FEM1A: variants seen among roughly 807,000 people sequenced by gnomAD.
The protein encoded by FEM1A is protein fem-1 homolog A.
FEM1A carries 1 observed loss-of-function variant against 0.7 expected under a neutral mutation model. The observed-to-expected ratio is 1.35, with a 90% CI of 0.48 to 6.40. The LOEUF (loss-of-function observed/expected upper bound fraction) is 6.40, where lower values mean the gene tolerates loss of function less well. Among genes scored for constraint, FEM1A ranks in the 30% most tolerant of loss-of-function variants. FEM1A has a pLI of 0.14. For synonymous variants in FEM1A, 391 were observed against 420.6 expected (o/e 0.93, Z 0.86); for missense variants, 721 against 918.7 (o/e 0.78, Z 2.78).
In FEM1A at chr19:4,792,955, G is replaced by A. The variant is rs763419142; in HGVS notation, c.1101G>A (p.Pro367=). The A allele has an allele frequency of 8.1e-6, 13 of 1,612,718 alleles. No homozygotes were observed. Among genetic ancestry groups the A allele is most frequent in the East Asian group, 2.2e-5 (1 of 44,858 alleles). The change falls in exon 1 of 1, where the codon CCG becomes CCA. Residue 367 remains proline (P), a synonymous_variant. Transcript: ENST00000269856. The surrounding 1 kb of genome is among the most constrained non-coding windows in gnomAD (Gnocchi z 6.7). ...AGCTGGAGGCGCTGATCACCGACCC[G>A]GATGAGATGCGCATGCAGGCCCTGT... ...TEELEALITD[P]DEMRMQALLI... is the part of the protein sequence containing the mutation.
In FEM1A at chr19:4,793,435, G is replaced by A. The variant is rs936803260; in HGVS notation, c.1581G>A (p.Lys527=). ...ACCAGACCGTCTACCGCCTGCTCAAGTGCGCGCCCAGGGGCAAGAACGGCT... is the reference window on the plus strand; with the variant it reads ...ACCAGACCGTCTACCGCCTGCTCAAATGCGCGCCCAGGGGCAAGAACGGCT... ...LKHQTVYRLL[K]CAPRGKNGFT... is the part of the protein sequence containing the mutation. Residue 527 remains lysine (K), a synonymous_variant, in exon 1 of 1, where the codon AAG becomes AAA. Coordinates refer to ENST00000269856, the MANE Select transcript of FEM1A (RefSeq NM_018708.3). The surrounding 1 kb of genome is among the most constrained non-coding windows in gnomAD (Gnocchi z 5.1). 1 of 1,612,304 alleles carries A rather than the reference G, an allele frequency of 6.2e-7. No individual in the cohort carries two copies. Among genetic ancestry groups the A allele is most frequent in the Non-Finnish European group, 8.5e-7 (1 of 1,179,862 alleles).
chr19:4,793,424 C>T lies in FEM1A; in HGVS notation c.1570C>T (p.Arg524Cys), dbSNP rs756135652. The T allele has an allele frequency of 4.3e-6, 7 of 1,612,194 alleles. No individual in the cohort carries two copies. The highest frequency in any genetic ancestry group is 5.9e-6 in the Non-Finnish European group (7 of 1,179,844). Residue 524 changes from arginine (R) to cysteine (C), a missense_variant, in exon 1 of 1, where the codon CGC (arginine) becomes TGC (cysteine). Arg to Cys is a radical substitution (Grantham distance 180, BLOSUM62 -3). Transcript: ENST00000269856. The surrounding 1 kb of genome is among the most constrained non-coding windows in gnomAD (Gnocchi z 5.1). The stretch of plus-strand genomic sequence containing the variant: ...GCACCTGAAGCACCAGACCGTCTAC[C>T]GCCTGCTCAAGTGCGCGCCCAGGGG... ...QEHLKHQTVYRLLKCAPRGKN... is the reference protein window; with the variant it reads ...QEHLKHQTVYCLLKCAPRGKN...
rs1249476472 is a variant in FEM1A, at chr19:4,791,966, G to T, written c.112G>T (p.Val38Leu). The T allele has an allele frequency of 1.2e-5, 19 of 1,533,184 alleles. No homozygotes were observed. In the East Asian group the frequency reaches 1.5e-4, roughly 12 times the overall value. The allele number at this position is 1,533,184 out of a possible 1,614,324, so 95.0% of individuals were successfully genotyped here. The change falls in exon 1 of 1, where the codon GTG becomes TTG. Residue 38 changes from valine to leucine, a missense_variant. This residue lies in a region of FEM1A where 195 missense variants were observed against 316.9 expected (regional missense o/e 0.62). Transcript: ENST00000269856. ...REELDELTGEVAGGGTPLLIA... is the reference protein window; with the variant it reads ...REELDELTGELAGGGTPLLIA... ...GGAACTGGACGAGCTGACGGGCGAG[G>T]TGGCCGGCGGGGGAACGCCGCTACT...
At position 4,792,587 on chromosome 19, in the gene FEM1A, G is replaced by T; in HGVS notation, c.733G>T (p.Ala245Ser). 1.9e-6 allele frequency: 3 copies of T among 1,609,702 alleles called. No homozygotes were observed. Among genetic ancestry groups the T allele is most frequent in the Non-Finnish European group, 2.5e-6 (3 of 1,179,690 alleles). ...GGAGCAGCCCGGCCAGGAGCAGGTCGCAGGGGGAGAGGCTCAGCCTGGGCT... is the reference window on the plus strand; with the variant it reads ...GGAGCAGCCCGGCCAGGAGCAGGTCTCAGGGGGAGAGGCTCAGCCTGGGCT... Reference protein sequence around the residue: ...IQEQPGQEQVAGGEAQPGLPQ... With the variant: ...IQEQPGQEQVSGGEAQPGLPQ... The change falls in exon 1 of 1, where the codon GCA (alanine) becomes TCA (serine). Residue 245 changes from alanine (A) to serine (S), a missense_variant. Physicochemically the swap from Ala to Ser is moderately conservative, Grantham distance 99. This residue lies in a region of FEM1A where 137 missense variants were observed against 121.7 expected (regional missense o/e 1.13). Transcript: ENST00000269856. The surrounding 1 kb of genome is among the most constrained non-coding windows in gnomAD (Gnocchi z 6.7).
chr19:4,792,280 C>A lies in FEM1A; in HGVS notation c.426C>A (p.Asp142Glu), dbSNP rs1475334594. ...VRYLVGEHQADLEVANRHGHT... is the reference protein window; with the variant it reads ...VRYLVGEHQAELEVANRHGHT... ...ACCTGGTCGGCGAGCACCAGGCCGA[C>A]CTGGAGGTGGCCAACCGGCACGGCC... Residue 142 changes from aspartate to glutamate, a missense_variant, in exon 1 of 1, where the codon GAC (aspartate) becomes GAA (glutamate). By Grantham distance (45) the Asp-to-Glu change is conservative. This residue lies in a region of FEM1A where 195 missense variants were observed against 316.9 expected (regional missense o/e 0.62). Transcript: ENST00000269856. This position sits in a 1 kb window ranked among gnomAD's most constrained non-coding sequence, Gnocchi z 6.7. 1.3e-6 allele frequency: 2 copies of A among 1,566,718 alleles called. No homozygotes were observed. The highest frequency in any genetic ancestry group is 1.8e-5 in the Admixed American group (1 of 56,818).
At position 4,793,015 on chromosome 19, in the gene FEM1A, G is replaced by A; in HGVS notation, c.1161G>A (p.Pro387=). Residue 387 remains proline (P), a synonymous_variant, in exon 1 of 1, where the codon CCG becomes CCA. Coordinates refer to ENST00000269856, the MANE Select transcript of FEM1A (RefSeq NM_018708.3). This position sits in a 1 kb window ranked among gnomAD's most constrained non-coding sequence, Gnocchi z 5.1. ...IRERILGPSH[P]DTSYYIRYRG... is the part of the protein sequence containing the mutation. ...AGCGCATCCTCGGTCCCTCGCACCC[G>A]GACACTTCCTATTACATCCGTTACA... 6.2e-7 allele frequency: 1 copy of A among 1,613,270 alleles called. No individual in the cohort carries two copies. The highest frequency in any genetic ancestry group is 8.5e-7 in the Non-Finnish European group (1 of 1,180,018).
In FEM1A at chr19:4,799,760, G is replaced by T. The variant is rs1035269617; in HGVS notation, c.*5896G>T. The T allele has an allele frequency of 2.0e-5, 3 of 152,022 alleles. No individual in the cohort carries two copies. Among genetic ancestry groups the T allele is most frequent in the African/African-American group, 7.2e-5 (3 of 41,462 alleles). 9.4% of individuals were successfully genotyped at this position (152,022 alleles called of 1,614,324 possible). A position where few individuals can be genotyped will look rare whatever the true frequency, so the allele number is the denominator to read the frequency against. On this transcript the variant is annotated 3_prime_UTR_variant, in exon 1 of 1. Coordinates refer to ENST00000269856, the MANE Select transcript of FEM1A (RefSeq NM_018708.3). Reference sequence around the variant, plus strand: ...TCTCTACTAAAAATACAAAAAATTAGCCGGGCGTCGTGGCAGGCGCCTGTA... The same window carrying T: ...TCTCTACTAAAAATACAAAAAATTATCCGGGCGTCGTGGCAGGCGCCTGTA...
Position 4,792,592 on chromosome 19 carries a change from G to C in FEM1A, c.738G>C (p.Gly246=). The C allele has an allele frequency of 6.2e-7, 1 of 1,610,390 alleles. No homozygotes were observed. Among genetic ancestry groups the C allele is most frequent in the South Asian group, 1.1e-5 (1 of 90,982 alleles). The change falls in exon 1 of 1, where the codon GGG becomes GGC. Residue 246 remains glycine, a synonymous_variant. Transcript: ENST00000269856. The surrounding 1 kb of genome is among the most constrained non-coding windows in gnomAD (Gnocchi z 6.7). Reference sequence around the variant, plus strand: ...AGCCCGGCCAGGAGCAGGTCGCAGGGGGAGAGGCTCAGCCTGGGCTGCCCC... The same window carrying C: ...AGCCCGGCCAGGAGCAGGTCGCAGGCGGAGAGGCTCAGCCTGGGCTGCCCC... The part of the protein sequence containing the change: ...QEQPGQEQVA[G]GEAQPGLPQE...
rs763673728 is a variant in FEM1A at position 4,793,208 on chromosome 19, A to G, written c.1354A>G (p.Lys452Glu). Residue 452 changes from lysine to glutamate, a missense_variant, in exon 1 of 1, where the codon AAA becomes GAA. Physicochemically the swap from Lys to Glu is moderately conservative, Grantham distance 56 (BLOSUM62 1). Around this residue, in one of 4 missense-constraint regions of FEM1A, gnomAD observed 379 missense variants for 454.8 expected, o/e 0.83. Coordinates refer to ENST00000269856, the MANE Select transcript of FEM1A (RefSeq NM_018708.3). The surrounding 1 kb of genome is among the most constrained non-coding windows in gnomAD (Gnocchi z 5.1). Reference protein sequence around the residue: ...FSYVLQDRAAKGSLGTQIGFA... With the variant: ...FSYVLQDRAAEGSLGTQIGFA... Reference sequence around the variant, plus strand: ...CTACGTGCTTCAGGACCGGGCCGCCAAAGGCAGCCTGGGCACCCAGATCGG... The same window carrying G: ...CTACGTGCTTCAGGACCGGGCCGCCGAAGGCAGCCTGGGCACCCAGATCGG... The G allele has an allele frequency of 9.9e-6, 16 of 1,613,436 alleles. No individual in the cohort carries two copies. The South Asian group carries it at 1.8e-4, about 18-fold the overall frequency.
rs2093554674 is a variant in FEM1A at position 4,791,842 on chromosome 19, G to T, written c.-13G>T. ...CCCGGCGGCCGGCCCATGGCCTGGC[G>T]GAGGCCCGAACCATGGACCTCCGCA... On this transcript the variant is annotated 5_prime_UTR_variant, in exon 1 of 1. Coordinates refer to ENST00000269856, the MANE Select transcript of FEM1A (RefSeq NM_018708.3). 1 of 1,486,876 alleles carries T rather than the reference G, an allele frequency of 6.7e-7. No individual in the cohort carries two copies. The highest frequency in any genetic ancestry group is 1.5e-5 in the African/African-American group (1 of 68,870). The allele number at this position is 1,486,876 out of a possible 1,614,324, so 92.1% of individuals were successfully genotyped here. A position where few individuals can be genotyped will look rare whatever the true frequency, so the allele number is the denominator to read the frequency against.
rs1298680287 is a variant in FEM1A, at chr19:4,798,024, G to A, written c.*4160G>A. ...CCAAGGCGGGCGGATCACGAGGTCA[G>A]GAGATCGAGACCATCCTGGCTAACA... is the stretch of plus-strand genomic sequence containing the variant. On this transcript the variant is annotated 3_prime_UTR_variant, in exon 1 of 1. Coordinates refer to ENST00000269856, the MANE Select transcript of FEM1A (RefSeq NM_018708.3). The A allele has an allele frequency of 6.6e-6, 1 of 150,910 alleles. No homozygotes were observed. Among genetic ancestry groups the A allele is most frequent in the Non-Finnish European group, 1.5e-5 (1 of 67,802 alleles). The allele number at this position is 150,910 out of a possible 1,614,324, so 9.3% of individuals were successfully genotyped here. A position where few individuals can be genotyped will look rare whatever the true frequency, so the allele number is the denominator to read the frequency against.
Position 4,793,898 on chromosome 19 carries a change from C to A in FEM1A, c.*34C>A, listed in dbSNP as rs1447344825. On this transcript the variant is annotated 3_prime_UTR_variant, in exon 1 of 1. Transcript: ENST00000269856. The surrounding 1 kb of genome is among the most constrained non-coding windows in gnomAD (Gnocchi z 5.1). ...GAACGCCTGCACCCTCACCTCTCCC[C>A]TCTCCTGCTGAGATGGGGGAAATCC... 1.9e-6 allele frequency: 3 copies of A among 1,561,114 alleles called. No individual in the cohort carries two copies. The highest frequency in any genetic ancestry group is 2.4e-5 in the South Asian group (2 of 85,048).
In FEM1A at chr19:4,793,543, G is replaced by A; in HGVS notation, c.1689G>A (p.Val563=). The part of the protein sequence containing the change: ...YPVGRFPSLH[V]VKVLLDCGAD... The stretch of plus-strand genomic sequence containing the variant: ...TGGGCAGATTCCCCTCCCTGCACGT[G>A]GTCAAAGTGCTGCTCGACTGCGGGG... The change falls in exon 1 of 1, where the codon GTG becomes GTA. Residue 563 remains valine (V), a synonymous_variant. Transcript: ENST00000269856. This position sits in a 1 kb window ranked among gnomAD's most constrained non-coding sequence, Gnocchi z 5.1. 1.2e-6 allele frequency: 2 copies of A among 1,613,054 alleles called. No homozygotes were observed. The highest frequency in any genetic ancestry group is 1.7e-6 in the Non-Finnish European group (2 of 1,179,860).
rs775495070 is a variant in FEM1A, at chr19:4,793,149, C to T, written c.1295C>T (p.Ala432Val). The change falls in exon 1 of 1, where the codon GCC becomes GTC. Residue 432 changes from alanine to valine, a missense_variant. Transcript: ENST00000269856. The surrounding 1 kb of genome is among the most constrained non-coding windows in gnomAD (Gnocchi z 5.1). Reference protein sequence around the residue: ...SNLEPLSPMTASSFLSFAELF... With the variant: ...SNLEPLSPMTVSSFLSFAELF... ...CTGGAGCCTCTGAGCCCCATGACCGCCAGCAGCTTCCTCTCCTTCGCGGAA... is the reference window on the plus strand; with the variant it reads ...CTGGAGCCTCTGAGCCCCATGACCGTCAGCAGCTTCCTCTCCTTCGCGGAA... 6.2e-7 allele frequency: 1 copy of T among 1,613,444 alleles called. No individual in the cohort carries two copies. The highest frequency in any genetic ancestry group is 8.5e-7 in the Non-Finnish European group (1 of 1,180,038).
Position 4,797,898 on chromosome 19 carries a change from A to T in FEM1A, c.*4034A>T, listed in dbSNP as rs1468497459. The T allele has an allele frequency of 3.3e-5, 5 of 152,132 alleles. No homozygotes were observed. Among genetic ancestry groups the T allele is most frequent in the Non-Finnish European group, 5.9e-5 (4 of 68,164 alleles). 9.4% of individuals were successfully genotyped at this position (152,132 alleles called of 1,614,324 possible). ...GGCTGCAGTGAGCCTTAATGGCACC[A>T]TCACACTCCAGCCTGGGCAACAGAG... On this transcript the variant is annotated 3_prime_UTR_variant, in exon 1 of 1. Coordinates refer to ENST00000269856, the MANE Select transcript of FEM1A (RefSeq NM_018708.3).
At position 4,799,996 on chromosome 19, in the gene FEM1A, C is replaced by T. The variant is rs934041218; in HGVS notation, c.*6132C>T. The T allele has an allele frequency of 2.7e-5, 4 of 147,784 alleles. No individual in the cohort carries two copies. The highest frequency in any genetic ancestry group is 1.4e-4 in the Admixed American group (2 of 14,284). 9.2% of individuals were successfully genotyped at this position (147,784 alleles called of 1,614,324 possible). On this transcript the variant is annotated 3_prime_UTR_variant, in exon 1 of 1. Transcript: ENST00000269856. The stretch of plus-strand genomic sequence containing the variant: ...TCACAATAGTAAAATGACTACCTGC[C>T]GTTGATCAGTGAAGAAAAAAGCTCA...
In FEM1A at chr19:4,800,567, C is replaced by G. The variant is rs2093567427; in HGVS notation, c.*6703C>G. On this transcript the variant is annotated 3_prime_UTR_variant, in exon 1 of 1. Coordinates refer to ENST00000269856, the MANE Select transcript of FEM1A (RefSeq NM_018708.3). ...ACTGCTGCGTCCTCAGCACCCACGCCAGGGTCTGTCCCACGCCAGGTGGCC... is the reference window on the plus strand; with the variant it reads ...ACTGCTGCGTCCTCAGCACCCACGCGAGGGTCTGTCCCACGCCAGGTGGCC... 1 of 152,354 alleles carries G rather than the reference C, an allele frequency of 6.6e-6. No homozygotes were observed. The highest frequency in any genetic ancestry group is 1.5e-5 in the Non-Finnish European group (1 of 68,154). The allele number at this position is 152,354 out of a possible 1,614,324, so 9.4% of individuals were successfully genotyped here. A position where few individuals can be genotyped will look rare whatever the true frequency, so the allele number is the denominator to read the frequency against.
Position 4,798,807 on chromosome 19 carries a change from C to T in FEM1A, c.*4943C>T, listed in dbSNP as rs1179356799. ...CCCATCCCTGGGGCAGGTGGCCATC[C>T]TGCCTCCGCATCCTGAGCGTCTGTT... is the stretch of plus-strand genomic sequence containing the variant. On this transcript the variant is annotated 3_prime_UTR_variant, in exon 1 of 1. Transcript: ENST00000269856. The T allele has an allele frequency of 6.6e-6, 1 of 152,118 alleles. No individual in the cohort carries two copies. The highest frequency in any genetic ancestry group is 1.9e-4 in the East Asian group (1 of 5,190). The allele number at this position is 152,118 out of a possible 1,614,324, so 9.4% of individuals were successfully genotyped here.
Position 4,793,016 on chromosome 19 carries a change from G to C in FEM1A, c.1162G>C (p.Asp388His). The change falls in exon 1 of 1, where the codon GAC becomes CAC. Residue 388 changes from aspartate (D) to histidine (H), a missense_variant. Coordinates refer to ENST00000269856, the MANE Select transcript of FEM1A (RefSeq NM_018708.3). This position sits in a 1 kb window ranked among gnomAD's most constrained non-coding sequence, Gnocchi z 5.1. ...RERILGPSHP[D>H]TSYYIRYRGA... ...GCGCATCCTCGGTCCCTCGCACCCG[G>C]ACACTTCCTATTACATCCGTTACAG... 6.2e-7 allele frequency: 1 copy of C among 1,613,280 alleles called. No homozygotes were observed. Among genetic ancestry groups the C allele is most frequent in the Non-Finnish European group, 8.5e-7 (1 of 1,180,010 alleles).
Sources: gnomAD v4.1 joint callset for allele counts on GRCh38, gnomAD v4.1.1 for gene constraint, gnomAD v4.1.1 regional missense constraint, Gnocchi (gnomAD v3.1) non-coding constraint, MANE v1.5 for transcripts, NCBI Gene and HGNC (gene_info 2026-07-23, HGNC 2026-07-21) for gene names.